Variants in BIN2 observed in about 807,000 individuals in gnomAD.
The protein encoded by BIN2 is breast cancer associated protein BRAP1.
In BIN2, 43 loss-of-function variants were observed where a neutral mutation model predicts 67.9. That is an observed-to-expected ratio of 0.63 (90% CI 0.50 to 0.82). The LOEUF (loss-of-function observed/expected upper bound fraction) is 0.82, where lower values mean the gene tolerates loss of function less well. BIN2 is among the 40% of genes least tolerant of loss of function. The pLI, the probability that BIN2 is intolerant of heterozygous loss-of-function variation, is 0.00. For synonymous variants in BIN2, 244 were observed against 246.8 expected, an observed-to-expected ratio of 0.99 and a Z score of 0.11; for missense variants, 581 against 671.6, an observed-to-expected ratio of 0.87 and a Z score of 1.49.
intron 5 of BIN2, among the ~76,000 whole-genome samples, chr12:51,300,437 G>C (rs1365623621): frequency 1.3e-5 from 2 of 152,064 alleles, no homozygotes; most frequent in African/African-American, 4.8e-5. Context: ...TCCCAAATCT[G>C]CCATTCATAG....
At chr12:51,315,181 T>A (rs1441639468) in intron 1 of BIN2, among the ~76,000 whole-genome samples, 60 of 152,132 alleles carry the variant, frequency 3.9e-4, no homozygotes, top group African/African-American at 1.3e-3. Context: ...ATTATTTTTT[T>A]TTTTTTGAGA....
chr12:51,290,751 G>A (rs1945358299), intron 10 of BIN2, among the ~76,000 whole-genome samples: 2 of 151,866 alleles, frequency 1.3e-5, no homozygotes, highest in South Asian at 4.1e-4. Flanking sequence ...GACTAACACA[G>A]TGAAACCCCA....
chr12:51,324,359 T>A (rs559111801), upstream of BIN2, among the ~76,000 whole-genome samples: 1 of 152,224 alleles, frequency 6.6e-6, no homozygotes, highest in African/African-American at 2.4e-5. Context: ...CTCCAACCCC[T>A]GCCCGAAACC....
intron 2 of BIN2, among the ~76,000 whole-genome samples, chr12:51,309,129 C>T (rs1456700164): frequency 6.6e-6 from 1 of 151,950 alleles, no homozygotes; most frequent in Non-Finnish European, 1.5e-5. Flanking sequence ...CATGACCAAC[C>T]CGTTCAACTT....
At chr12:51,296,118 C>T (rs1565676634) in intron 8 of BIN2, among the ~76,000 whole-genome samples, 3 of 152,126 alleles carry the variant, frequency 2.0e-5, no homozygotes, top group South Asian at 4.1e-4. Flanking sequence ...TGTCTCAAGG[C>T]AGGGTCCATA....
chr12:51,298,114 G>A (rs922830627), intron 7 of BIN2, among the ~76,000 whole-genome samples: 10 of 151,650 alleles, frequency 6.6e-5, no homozygotes, highest in African/African-American at 1.7e-4. Flanking sequence ...TGGCTCACGC[G>A]TGTAATCCCA....
intron 5 of BIN2, among the ~76,000 whole-genome samples, chr12:51,301,249 A>C (rs1945714178): frequency 1.3e-5 from 2 of 152,110 alleles, no homozygotes; most frequent in East Asian, 1.9e-4. Context: ...AAAACAAAAA[A>C]AAACTAGCTG....
intron 11 of BIN2, among the ~76,000 whole-genome samples, chr12:51,285,846 A>G (rs1945225997): frequency 6.6e-6 from 1 of 152,052 alleles, no homozygotes; most frequent in Non-Finnish European, 1.5e-5. Context: ...TCCCAACCTC[A>G]AGTGATCCAC....
At chr12:51,288,997 C>T (rs1033028521) in intron 10 of BIN2, among the ~76,000 whole-genome samples, 1 of 152,038 alleles carries the variant, frequency 6.6e-6, no homozygotes, top group African/African-American at 2.4e-5. Context: ...ATCCGCCCAC[C>T]TCAGCCTCCC....
Position 51,294,492 on chromosome 12 carries a change from G to T in BIN2, c.761+1304C>A, listed in dbSNP as rs146206267. On this transcript the variant is annotated intron_variant, in intron 9 of 12. Transcript: ENST00000615107. ...TGAGGCAGGAGAATTGCTTGAACCC[G>T]GGAAGCAGAGGTTGCAGTAAGCCAA... Among the ~76,000 whole-genome samples the T allele has an allele frequency of 5.0e-3, 752 of 151,720 alleles. 9 individuals are homozygous for T. The highest frequency in any genetic ancestry group is 0.017 in the African/African-American group (697 of 41,390).
chr12:51,282,251 TGTTA>T (rs1945134515), intron 12 of BIN2, among the ~76,000 whole-genome samples: 1 of 106,736 alleles, frequency 9.4e-6, no homozygotes, highest in South Asian at 4.2e-4. Context: ...TATGTGTGTA[TGTTA>T]ATATAATAAA....
intron 2 of BIN2, among the ~76,000 whole-genome samples, chr12:51,306,380 A>G (rs1396794603): frequency 6.6e-6 from 1 of 152,148 alleles, no homozygotes; most frequent in Non-Finnish European, 1.5e-5. Flanking sequence ...TAATCCTAGC[A>G]TTTTGGGAGG....
At position 51,297,353 on chromosome 12, in the gene BIN2, A is replaced by G. The variant is rs138774035; in HGVS notation, c.603-189T>C. 1,394 of 513,612 alleles carry G rather than the reference A, an allele frequency of 2.7e-3. 17 individuals are homozygous for G. In the East Asian group the frequency reaches 0.032, roughly 12 times the overall value. The allele number at this position is 513,612 out of a possible 1,614,324, so 31.8% of individuals were successfully genotyped here. A position where few individuals can be genotyped will look rare whatever the true frequency, so the allele number is the denominator to read the frequency against. ...GGAGGCCAAGGTGGGCGTATCATGA[A>G]GTCAGGAGATCAAGACCATCCTGGC... On this transcript the variant is annotated intron_variant, in intron 7 of 12. Transcript: ENST00000615107.
chr12:51,291,555 TAATTA>T (rs1294594846), intron 10 of BIN2, 31 bp downstream of exon 10: 3 of 1,528,922 alleles, frequency 2.0e-6, no homozygotes, highest in African/African-American at 2.8e-5. Flanking sequence ...ATAAATAAAT[TAATTA>T]AATTAAATAC....
At chr12:51,309,130 C>T (rs12580599) in intron 2 of BIN2, among the ~76,000 whole-genome samples, 2 of 151,694 alleles carry the variant, frequency 1.3e-5, no homozygotes, top group Admixed American at 6.6e-5. Flanking sequence ...ATGACCAACC[C>T]GTTCAACTTC....
intron 10 of BIN2, 134 bp downstream of exon 10, chr12:51,291,457 C>T: frequency 1.2e-6 from 1 of 838,768 alleles, no homozygotes; most frequent in East Asian, 2.8e-5. Flanking sequence ...GGCAGAGGAT[C>T]ACTTGAGCTT....
chr12:51,291,583 A>C lies in BIN2; in HGVS notation c.1515+8T>G. On this transcript the variant is annotated splice_region_variant and intron_variant, in intron 10 of 12. Coordinates refer to ENST00000615107, the MANE Select transcript of BIN2 (RefSeq NM_016293.4). ...TTAAATTAAATACCCAACCAGAACT[A>C]CTCTTACCTGAGATGTCATTAAGGT... is the stretch of plus-strand genomic sequence containing the variant. 1 of 1,585,216 alleles carries C rather than the reference A, an allele frequency of 6.3e-7. No homozygotes were observed. The highest frequency in any genetic ancestry group is 8.5e-7 in the Non-Finnish European group (1 of 1,170,848).
intron 9 of BIN2, among the ~76,000 whole-genome samples, chr12:51,294,502 G>A (rs1039267084): frequency 3.3e-5 from 5 of 151,566 alleles, no homozygotes; most frequent in African/African-American, 9.7e-5. Context: ...GGGAAGCAGA[G>A]GTTGCAGTAA....
chr12:51,284,327 T>C (rs1361542095), intron 12 of BIN2, among the ~76,000 whole-genome samples: 3 of 152,194 alleles, frequency 2.0e-5, no homozygotes, highest in African/African-American at 4.8e-5. Context: ...GGCTATACCA[T>C]ACAGCCACAC....
Sources: allele counts gnomAD v4.1 joint callset (sites outside exome capture counted in the v4.1 genomes callset), GRCh38; gene constraint gnomAD v4.1.1; transcripts MANE v1.5; gene names NCBI Gene and HGNC (gene_info 2026-07-23, HGNC 2026-07-21).